The following INSYN2A variants were observed in gnomAD, a reference collection of about 807,000 sequenced individuals.
The protein encoded by INSYN2A is inhibitory synaptic factor 2A, also known as family with sequence similarity 196 member A.
In INSYN2A, 17 loss-of-function variants were observed where a neutral mutation model predicts 39.4. The ratio of observed to expected loss-of-function variants is 0.43; its 90% CI spans 0.30 to 0.65. The LOEUF (loss-of-function observed/expected upper bound fraction) is 0.65. Ranked by LOEUF, INSYN2A falls within the 30% of genes least tolerant of loss-of-function variation. The pLI is 0.14. For synonymous variants in INSYN2A, 255 were observed against 265.7 expected, an observed-to-expected ratio of 0.96 and a Z score of 0.39; for missense variants, 595 against 631.2, an observed-to-expected ratio of 0.94 and a Z score of 0.61.
intron 5 of INSYN2A, among the ~76,000 whole-genome samples, chr10:127,142,528 G>A (rs1387567166): frequency 6.6e-6 from 1 of 152,204 alleles, no homozygotes; most frequent in Non-Finnish European, 1.5e-5. Flanking sequence ...GTCTGAAGCA[G>A]CTGGAGCCAG....
intron 2 of INSYN2A, among the ~76,000 whole-genome samples, chr10:127,178,335 G>C (rs1370959476): frequency 6.6e-6 from 1 of 152,250 alleles, no homozygotes; most frequent in Non-Finnish European, 1.5e-5. Flanking sequence ...GGTGGGACCA[G>C]AGTTTCTAAA....
Position 127,175,251 on chromosome 10 carries a change from A to G in INSYN2A, c.1145T>C (p.Val382Ala). 6.2e-7 allele frequency: 1 copy of G among 1,613,800 alleles called. No individual in the cohort carries two copies. Among genetic ancestry groups the G allele is most frequent in the Non-Finnish European group, 8.5e-7 (1 of 1,179,958 alleles). The change falls in exon 4 of 6, where the codon GTC (valine) becomes GCC (alanine). Residue 382 changes from valine to alanine, a missense_variant. Transcript: ENST00000522781. This position sits in a 1 kb window ranked among gnomAD's most constrained non-coding sequence, Gnocchi z 6.3. ...SQETIKVLLG[V>A]IQELEKGEAH... ...CTCTCCTTTTTCCAACTCCTGAATG[A>G]CCCCCAAGAGCACTTTGATGGTTTC...
At chr10:127,139,277 G>C (rs2050997986) in intron 5 of INSYN2A, among the ~76,000 whole-genome samples, 2 of 152,062 alleles carry the variant, frequency 1.3e-5, no homozygotes, top group Non-Finnish European at 2.9e-5. Context: ...AAACAGCCAA[G>C]CTATATTATC....
intron 2 of INSYN2A, among the ~76,000 whole-genome samples, chr10:127,187,103 C>A (rs1458349724): frequency 1.3e-5 from 2 of 152,206 alleles, no homozygotes; most frequent in Non-Finnish European, 2.9e-5. Context: ...CGGGCAGGCA[C>A]CCAAAGCAGG....
chr10:127,194,203 A>G (rs2056940694), intron 1 of INSYN2A, among the ~76,000 whole-genome samples: 1 of 152,256 alleles, frequency 6.6e-6, no homozygotes, highest in Non-Finnish European at 1.5e-5. Context: ...TAATTTATGC[A>G]AAATCATGCA....
intron 5 of INSYN2A, among the ~76,000 whole-genome samples, chr10:127,147,726 G>T (rs1249732609): frequency 6.6e-6 from 1 of 151,974 alleles, no homozygotes; most frequent in Admixed American, 6.6e-5. Flanking sequence ...TATCAAAGTG[G>T]TTGTTTAAAA....
At chr10:127,143,235 A>G (rs866385191) in intron 5 of INSYN2A, among the ~76,000 whole-genome samples, 3 of 152,164 alleles carry the variant, frequency 2.0e-5, no homozygotes, top group Non-Finnish European at 2.9e-5. Context: ...AAGCAGGACA[A>G]TCTGGTGCCC....
chr10:127,195,280 C>G (rs2057030107), intron 1 of INSYN2A, among the ~76,000 whole-genome samples: 1 of 152,168 alleles, frequency 6.6e-6, no homozygotes, highest in Admixed American at 6.5e-5. Flanking sequence ...CTCCCTCCTG[C>G]CCTCGCCCGC....
chr10:127,175,178 C>T lies in INSYN2A; in HGVS notation c.1184+34G>A. 1 of 1,554,990 alleles carries T rather than the reference C, an allele frequency of 6.4e-7. No individual in the cohort carries two copies. The highest frequency in any genetic ancestry group is 8.8e-7 in the Non-Finnish European group (1 of 1,138,910). On this transcript the variant is annotated intron_variant, in intron 4 of 5. Coordinates refer to ENST00000522781, the MANE Select transcript of INSYN2A (RefSeq NM_001039762.3). The surrounding 1 kb of genome is among the most constrained non-coding windows in gnomAD (Gnocchi z 6.3). ...GATGGACTCTGTGGTGATCAGCCTG[C>T]ATAGCTTCCTAAGACATGGGTGAAC... is the stretch of plus-strand genomic sequence containing the variant.
At chr10:127,192,141 CTCTCT>C in intron 2 of INSYN2A, among the ~76,000 whole-genome samples, 1 of 152,244 alleles carries the variant, frequency 6.6e-6, no homozygotes, top group East Asian at 1.9e-4. Context: ...AGATGTAAGA[CTCTCT>C]TCTTTTCTTT....
chr10:127,146,986 T>A (rs1386831783), intron 5 of INSYN2A, among the ~76,000 whole-genome samples: 3 of 152,350 alleles, frequency 2.0e-5, no homozygotes, highest in African/African-American at 7.2e-5. Flanking sequence ...CCAGTGTGCG[T>A]GATTTTATCT....
At chr10:127,187,779 A>AAAGCAAGC (rs142757297) in intron 2 of INSYN2A, among the ~76,000 whole-genome samples, 3 of 151,842 alleles carry the variant, frequency 2.0e-5, no homozygotes, top group African/African-American at 7.3e-5. Context: ...AAGAGAGAGA[A>AAAGCAAGC]AAGCAAGCAA....
chr10:127,146,172 T>C (rs1277520622), intron 5 of INSYN2A: 4 of 371,910 alleles, frequency 1.1e-5, no homozygotes, highest in African/African-American at 2.2e-5. Context: ...GTTTTGGACA[T>C]TGGTAAATGC....
At chr10:127,192,546 T>C (rs1311940362) in intron 2 of INSYN2A, 59 bp downstream of exon 2, 1 of 152,192 alleles carries the variant, frequency 6.6e-6, no homozygotes, top group Non-Finnish European at 1.5e-5. Context: ...TTCATTATGG[T>C]TTGAATAATG....
At chr10:127,156,233 C>G (rs756437443) in intron 4 of INSYN2A, among the ~76,000 whole-genome samples, 55 of 152,260 alleles carry the variant, frequency 3.6e-4, no homozygotes, top group Non-Finnish European at 7.4e-4. Flanking sequence ...GAGCCCTGAG[C>G]CTTCTAATTA....
At chr10:127,190,012 C>A (rs774882242) in intron 2 of INSYN2A, among the ~76,000 whole-genome samples, 2 of 152,130 alleles carry the variant, frequency 1.3e-5, no homozygotes, top group Non-Finnish European at 2.9e-5. Context: ...TTGGTGAGCT[C>A]TGGTGAAAAC....
chr10:127,168,272 G>A (rs2054260360), intron 4 of INSYN2A, among the ~76,000 whole-genome samples: 1 of 152,178 alleles, frequency 6.6e-6, no homozygotes, highest in Non-Finnish European at 1.5e-5. Context: ...AATGTTTTGG[G>A]TTATGATAAA....
chr10:127,155,046 T>G (rs2052903665), intron 4 of INSYN2A, among the ~76,000 whole-genome samples: 1 of 152,208 alleles, frequency 6.6e-6, no homozygotes, highest in African/African-American at 2.4e-5. Flanking sequence ...ATGTTAAATT[T>G]GTGGCAGGAG....
chr10:127,138,137 TTAA>T lies in INSYN2A; in HGVS notation c.1257-120_1257-118del, dbSNP rs2050864128. ...TGTGTTTGTAATGTAATTTTATGGTTTAATAATAGCAATTCGATATACTATGTT... is the reference window on the plus strand; with the variant it reads ...TGTGTTTGTAATGTAATTTTATGGTTTAATAGCAATTCGATATACTATGTT... On this transcript the variant is annotated intron_variant, in intron 5 of 5. Coordinates refer to ENST00000522781, the MANE Select transcript of INSYN2A (RefSeq NM_001039762.3). 4.5e-6 allele frequency: 4 copies of T among 883,834 alleles called. No homozygotes were observed. The African/African-American group carries it at 5.0e-5, about 11-fold the overall frequency. The allele number at this position is 883,834 out of a possible 1,614,324, so 54.7% of individuals were successfully genotyped here. A position where few individuals can be genotyped will look rare whatever the true frequency, so the allele number is the denominator to read the frequency against.
Sources: gnomAD v4.1 joint callset for allele counts (sites outside exome capture counted in the v4.1 genomes callset) on GRCh38, gnomAD v4.1.1 for gene constraint, Gnocchi (gnomAD v3.1) non-coding constraint, MANE v1.5 for transcripts, NCBI Gene and HGNC (gene_info 2026-07-23, HGNC 2026-07-21) for gene names.